CDK11B: variants seen among roughly 807,000 people sequenced by gnomAD.
CDK11B encodes the protein cyclin-dependent kinase 11B.
CDK11B carries 37 observed loss-of-function variants against 84.0 expected under a neutral mutation model. The observed-to-expected ratio is 0.44, with a 90% CI of 0.34 to 0.58. The LOEUF (loss-of-function observed/expected upper bound fraction) is 0.58, where lower values mean the gene tolerates loss of function less well. Ranked by LOEUF, CDK11B falls within the 20% of genes least tolerant of loss-of-function variation. The probability of loss-of-function intolerance (pLI) is 0.02; values close to 1 mark genes in which losing one functional copy is unlikely to be tolerated. For synonymous variants in CDK11B, 269 were observed against 309.8 expected (o/e 0.87, Z 1.38); for missense variants, 427 against 834.0 (o/e 0.51, Z 6.01).
chr1:1,653,515 T>C (rs1203949003), intron 3 of CDK11B, among the ~76,000 whole-genome samples: 2 of 151,760 alleles, frequency 1.3e-5, no homozygotes, highest in Admixed American at 1.3e-4. Context: ...GAGACGGGCT[T>C]TCACCATGTT....
chr1:1,650,236 C>G (rs1373091163), intron 4 of CDK11B, among the ~76,000 whole-genome samples: 14 of 110,564 alleles, frequency 1.3e-4, no homozygotes, highest in Non-Finnish European at 2.1e-4. Flanking sequence ...CGCCACTGTA[C>G]TCCAGCCTGG....
rs1318387125 is a variant in CDK11B at position 1,650,095 on chromosome 1, C to T, written c.356-458G>A. Reference sequence around the variant, plus strand: ...ACCATCCTGGCTAACACGGTGAAACCCCATCTCTACTAAAAATACAAAAAA... The same window carrying T: ...ACCATCCTGGCTAACACGGTGAAACTCCATCTCTACTAAAAATACAAAAAA... On this transcript the variant is annotated intron_variant, in intron 4 of 19. Coordinates refer to ENST00000341832, the MANE Select transcript of CDK11B (RefSeq NM_033486.3). Among the ~76,000 whole-genome samples the T allele has an allele frequency of 2.1e-3, 323 of 150,802 alleles. 6 individuals are homozygous for T. The East Asian group carries it at 0.05, about 24-fold the overall frequency.
At chr1:1,650,271 A>T (rs1193636660) in intron 4 of CDK11B, among the ~76,000 whole-genome samples, 2 of 149,290 alleles carry the variant, frequency 1.3e-5, no homozygotes, top group Non-Finnish European at 3.0e-5. Flanking sequence ...TCCGTCCCAA[A>T]AAAAAAAAAA....
At chr1:1,646,503 C>T (rs1179004860) in intron 5 of CDK11B, 1 of 519,842 alleles carries the variant, frequency 1.9e-6, no homozygotes, top group Non-Finnish European at 3.9e-6. Context: ...CATACCATGA[C>T]AACAGTGTAA....
intron 3 of CDK11B, among the ~76,000 whole-genome samples, chr1:1,653,351 C>T (rs1424786535): frequency 2.6e-5 from 4 of 151,854 alleles, no homozygotes; most frequent in Non-Finnish European, 4.4e-5. Context: ...GATAGAATCT[C>T]GCTCTTTCCC....
intron 5 of CDK11B, 105 bp downstream of exon 5, chr1:1,649,394 C>G (rs1641601385): frequency 1.2e-6 from 1 of 865,206 alleles, no homozygotes; most frequent in Non-Finnish European, 1.9e-6. Flanking sequence ...AGCCACCACA[C>G]CTGGCTCAGA....
chr1:1,652,243 G>A (rs1216147090), intron 4 of CDK11B, among the ~76,000 whole-genome samples, 196 bp downstream of exon 4: 2 of 151,232 alleles, frequency 1.3e-5, no homozygotes, highest in Non-Finnish European at 2.9e-5. Flanking sequence ...TCTGGTTTTC[G>A]GTCTGTGACG....
intron 4 of CDK11B, 125 bp downstream of exon 4, chr1:1,652,314 G>C: frequency 1.3e-6 from 1 of 778,682 alleles, no homozygotes; most frequent in Non-Finnish European, 1.9e-6. Context: ...TGTGACACAC[G>C]TATGCTTTCA....
At chr1:1,646,556 G>A (rs1175451673) in intron 5 of CDK11B, 1 of 518,250 alleles carries the variant, frequency 1.9e-6, no homozygotes. Context: ...TAAGATGTGA[G>A]GAGAGATAGT....
At chr1:1,655,781 G>A (rs1458885060) in intron 2 of CDK11B, among the ~76,000 whole-genome samples, 2 of 152,086 alleles carry the variant, frequency 1.3e-5, no homozygotes, top group East Asian at 3.9e-4. Flanking sequence ...AATTAGCTGG[G>A]CGTAGTGACC....
intron 11 of CDK11B, among the ~76,000 whole-genome samples, 197 bp downstream of exon 11, chr1:1,640,080 G>A (rs1382943103): frequency 1.3e-5 from 2 of 151,736 alleles, no homozygotes; most frequent in African/African-American, 4.8e-5. Flanking sequence ...TGTCCACCCA[G>A]TTCCGTCCAG....
chr1:1,649,417 T>G, intron 5 of CDK11B, 82 bp downstream of exon 5: 1 of 1,123,308 alleles, frequency 8.9e-7, no homozygotes, highest in Non-Finnish European at 1.3e-6. Context: ...TGACTTCTAT[T>G]GCCAAATTCT....
chr1:1,655,100 ATATAG>A (rs766050054), intron 3 of CDK11B, among the ~76,000 whole-genome samples: 2 of 152,138 alleles, frequency 1.3e-5, no homozygotes, highest in Non-Finnish European at 2.9e-5. Flanking sequence ...GCAAAATCCT[ATATAG>A]TATATTTTAT....
Position 1,637,746 on chromosome 1 carries a change from G to A in CDK11B, c.1464+16C>T, listed in dbSNP as rs1044473779. Reference sequence around the variant, plus strand: ...AGCCTTCCACCCGGGGCCAGGCGTGGTGGGGCCATGCTCACTCTAACGGTG... The same window carrying A: ...AGCCTTCCACCCGGGGCCAGGCGTGATGGGGCCATGCTCACTCTAACGGTG... On this transcript the variant is annotated intron_variant, in intron 13 of 19. Transcript: ENST00000341832. The A allele has an allele frequency of 1.9e-6, 3 of 1,613,670 alleles. No individual in the cohort carries two copies. Among genetic ancestry groups the A allele is most frequent in the Non-Finnish European group, 2.5e-6 (3 of 1,179,670 alleles).
chr1:1,637,507 C>G lies in CDK11B; in HGVS notation c.1471G>C (p.Val491Leu). The change falls in exon 14 of 20, where the codon GTG (valine) becomes CTG (leucine). Residue 491 changes from valine to leucine, a missense_variant. Transcript: ENST00000341832. ...HPNIVTVREI[V>L]VGSNMDKIYI... Reference sequence around the variant, plus strand: ...ATCTTGTCCATGTTGCTGCCCACCACAATCTCCTGCAGGGCACGGCTCTGT... The same window carrying G: ...ATCTTGTCCATGTTGCTGCCCACCAGAATCTCCTGCAGGGCACGGCTCTGT... 1 of 1,613,314 alleles carries G rather than the reference C, an allele frequency of 6.2e-7. No individual in the cohort carries two copies. Among genetic ancestry groups the G allele is most frequent in the Non-Finnish European group, 8.5e-7 (1 of 1,179,526 alleles).
In CDK11B at chr1:1,652,157, AC is replaced by A. The variant is rs1320435027; in HGVS notation, c.355+281del. The stretch of plus-strand genomic sequence containing the variant: ...ATTCTGAATGGTCTGTGACACACGC[AC>A]GCTTTCAGCTAGAGTTTGCTCTTTC... On this transcript the variant is annotated intron_variant, in intron 4 of 19. Transcript: ENST00000341832. Among the ~76,000 whole-genome samples the A allele has an allele frequency of 3.9e-3, 563 of 146,138 alleles. 6 individuals carry two copies. In the South Asian group the frequency reaches 0.048, roughly 12 times the overall value.
intron 3 of CDK11B, among the ~76,000 whole-genome samples, chr1:1,653,040 G>C (rs1473674234): frequency 7.2e-6 from 1 of 139,060 alleles, no homozygotes; most frequent in East Asian, 2.2e-4. Context: ...ATTTTTTTGA[G>C]ACGGAGTCTC....
chr1:1,657,225 T>G (rs1218040081), intron 2 of CDK11B, 150 bp downstream of exon 2: 1 of 1,614,018 alleles, frequency 6.2e-7, no homozygotes, highest in Non-Finnish European at 8.5e-7. Flanking sequence ...TGAATGTTTT[T>G]GTTAATTTTT....
chr1:1,637,591 G>A (rs1570018940), intron 13 of CDK11B, 78 bp from the exon 14 acceptor site: 2 of 1,609,204 alleles, frequency 1.2e-6, no homozygotes, highest in Non-Finnish European at 1.7e-6. Context: ...GCTGCTGAGG[G>A]ACAGTAAGGA....
Sources: gnomAD v4.1 joint callset for allele counts (sites outside exome capture counted in the v4.1 genomes callset) on GRCh38, gnomAD v4.1.1 for gene constraint, MANE v1.5 for transcripts, NCBI Gene and HGNC (gene_info 2026-07-23, HGNC 2026-07-21) for gene names.